The following LINGO2 variants were observed in gnomAD, a reference collection of about 807,000 sequenced individuals.
The protein encoded by LINGO2 is leucine rich repeat and Ig domain containing 2.
A neutral mutation model predicts 30.6 loss-of-function variants in LINGO2; 14 were observed. The ratio of observed to expected loss-of-function variants is 0.46; its 90% CI spans 0.30 to 0.72. The LOEUF (loss-of-function observed/expected upper bound fraction) is 0.72. LINGO2 is among the 30% of genes least tolerant of loss of function. The pLI is 0.07. For synonymous variants in LINGO2, 317 were observed against 288.5 expected, an observed-to-expected ratio of 1.10 and a Z score of -1.00; for missense variants, 729 against 751.7, an observed-to-expected ratio of 0.97 and a Z score of 0.35.
intron 2 of LINGO2, among the ~76,000 whole-genome samples, chr9:28,462,985 A>T (rs1007375560): frequency 2.0e-5 from 3 of 152,156 alleles, no homozygotes; most frequent in Non-Finnish European, 2.9e-5. Flanking sequence ...AACTACATAC[A>T]GGGTTAAATA....
At chr9:28,567,766 C>T (rs72713597) in intron 1 of LINGO2, among the ~76,000 whole-genome samples, 18,008 of 151,394 alleles carry the variant, frequency 0.12, 1,447 homozygotes, top group East Asian at 0.22. Flanking sequence ...ACTTATGGAA[C>T]GAACCTGCAC....
chr9:28,470,024 A>C (rs577753593), intron 2 of LINGO2, among the ~76,000 whole-genome samples: 1 of 152,298 alleles, frequency 6.6e-6, no homozygotes, highest in Admixed American at 6.5e-5. Flanking sequence ...TACATAAAGG[A>C]ATACCCTTTA....
the LINGO2 span, among the ~76,000 whole-genome samples, chr9:29,121,756 C>T: frequency 2.0e-5 from 3 of 152,166 alleles, no homozygotes; most frequent in South Asian, 6.2e-4. Flanking sequence ...TACTATTTCA[C>T]TCCAGCTTCC....
the LINGO2 span, among the ~76,000 whole-genome samples, chr9:28,874,810 A>T: frequency 6.6e-6 from 1 of 152,106 alleles, no homozygotes; most frequent in African/African-American, 2.4e-5. Flanking sequence ...TAGTTAAATG[A>T]CCTGTGGCTT....
At chr9:28,127,589 T>C (rs2133427291) in intron 4 of LINGO2, among the ~76,000 whole-genome samples, 1 of 152,294 alleles carries the variant, frequency 6.6e-6, no homozygotes, top group East Asian at 1.9e-4. Flanking sequence ...TCCCATGGAA[T>C]CGGACAAGGA....
the LINGO2 span, among the ~76,000 whole-genome samples, chr9:28,879,677 T>G: frequency 6.6e-5 from 10 of 152,160 alleles, no homozygotes; most frequent in Non-Finnish European, 1.5e-4. Context: ...CACCCCTCTT[T>G]GTAGAGTTCC....
Position 28,109,858 on chromosome 9 carries a change from T to G in LINGO2, c.-86-97453A>C, listed in dbSNP as rs7849087. Among the ~76,000 whole-genome samples the G allele has an allele frequency of 1.2e-4, 19 of 152,308 alleles. No homozygotes were observed. The South Asian group carries it at 1.9e-3, about 15-fold the overall frequency. The stretch of plus-strand genomic sequence containing the variant: ...TTCAATGCTATTCCCATCAAGCTAC[T>G]GTTGACTTTATTCACAGCATTAGAA... On this transcript the variant is annotated intron_variant, in intron 4 of 5. Coordinates refer to ENST00000379992, the Ensembl canonical transcript of LINGO2.
chr9:29,109,106 A>G, the LINGO2 span, among the ~76,000 whole-genome samples: 12 of 151,204 alleles, frequency 7.9e-5, no homozygotes, highest in African/African-American at 2.7e-4. Context: ...GAGTTTACAT[A>G]TAAGCTTTTT....
intron 4 of LINGO2, among the ~76,000 whole-genome samples, chr9:28,049,712 C>T (rs1362901640): frequency 1.3e-5 from 2 of 150,414 alleles, no homozygotes; most frequent in Non-Finnish European, 2.9e-5. Flanking sequence ...ATGCCTGATG[C>T]GGCAGGTCTA....
chr9:29,069,670 T>C, the LINGO2 span, among the ~76,000 whole-genome samples: 142 of 152,150 alleles, frequency 9.3e-4, no homozygotes, highest in African/African-American at 3.2e-3. Context: ...ATATATCCCT[T>C]TTAATATCTG....
At chr9:28,944,134 T>C in the LINGO2 span, among the ~76,000 whole-genome samples, 1 of 152,188 alleles carries the variant, frequency 6.6e-6, no homozygotes, top group Admixed American at 6.5e-5. Context: ...CTACCACATC[T>C]AGACAGTTAT....
At chr9:28,058,018 T>G (rs1270137717) in intron 4 of LINGO2, among the ~76,000 whole-genome samples, 1 of 152,166 alleles carries the variant, frequency 6.6e-6, no homozygotes, top group African/African-American at 2.4e-5. Flanking sequence ...GCCAAAACCA[T>G]GATTTGATAA....
At chr9:27,982,341 T>C (rs190209401) in intron 5 of LINGO2, among the ~76,000 whole-genome samples, 2 of 151,840 alleles carry the variant, frequency 1.3e-5, no homozygotes, top group Non-Finnish European at 2.9e-5. Context: ...AAATGAAGTA[T>C]ACTTCAGAAG....
rs140376784 is a variant in LINGO2, at chr9:28,450,588, C to T, written c.-279+25352G>A. Among the ~76,000 whole-genome samples, 491 of 152,110 alleles carry T rather than the reference C, an allele frequency of 3.2e-3. 5 individuals carry two copies. Among genetic ancestry groups the T allele is most frequent in the African/African-American group, 0.011 (452 of 41,540 alleles). On this transcript the variant is annotated intron_variant, in intron 2 of 5. Coordinates refer to ENST00000379992, the Ensembl canonical transcript of LINGO2. ...ACCAAATAAAAATGGTACTTAAACA[C>T]TGAAGTATGATCAGTCACATTGGAA... is the stretch of plus-strand genomic sequence containing the variant.
At chr9:28,847,883 T>C in the LINGO2 span, among the ~76,000 whole-genome samples, 5 of 125,084 alleles carry the variant, frequency 4.0e-5, no homozygotes, top group African/African-American at 1.5e-4. Flanking sequence ...ACAGTATATA[T>C]ACACATATAT....
chr9:28,777,639 A>G, the LINGO2 span, among the ~76,000 whole-genome samples: 1 of 152,226 alleles, frequency 6.6e-6, no homozygotes, highest in African/African-American at 2.4e-5. Context: ...TTAAGAGAAG[A>G]GAGGTGCAGG....
At chr9:28,066,012 G>C (rs1199575778) in intron 4 of LINGO2, among the ~76,000 whole-genome samples, 2 of 151,986 alleles carry the variant, frequency 1.3e-5, no homozygotes, top group African/African-American at 4.8e-5. Context: ...GCTAGCCAAA[G>C]AGGTTTTCTG....
the LINGO2 span, among the ~76,000 whole-genome samples, chr9:28,998,975 G>A: frequency 6.6e-6 from 1 of 152,064 alleles, no homozygotes; most frequent in African/African-American, 2.4e-5. Context: ...TAAATAAAAT[G>A]AAACAAATAC....
At chr9:28,510,540 G>C (rs1158522041) in intron 1 of LINGO2, among the ~76,000 whole-genome samples, 1 of 152,062 alleles carries the variant, frequency 6.6e-6, no homozygotes, top group Admixed American at 6.6e-5. Context: ...TGCTGTGTCA[G>C]GGGTGGCAGA....
Sources: allele counts gnomAD v4.1 joint callset (sites outside exome capture counted in the v4.1 genomes callset), GRCh38; gene constraint gnomAD v4.1.1; transcripts MANE v1.5; gene names NCBI Gene and HGNC (gene_info 2026-07-23, HGNC 2026-07-21).